Variants in CYP26A1 observed in about 807,000 individuals in gnomAD.
CYP26A1 encodes cytochrome P450 family 26 subfamily A member 1.
In CYP26A1, 46 loss-of-function variants were observed where a neutral mutation model predicts 47.4. The observed-to-expected ratio is 0.97, with a 90% CI of 0.77 to 1.24. The LOEUF is 1.24. CYP26A1 is among the 50% of genes most tolerant of loss of function. The pLI is 0.00. For synonymous variants in CYP26A1, 277 were observed against 263.7 expected (o/e 1.05, Z -0.49); for missense variants, 680 against 644.4 (o/e 1.06, Z -0.60).
At position 93,074,330 on chromosome 10, in the gene CYP26A1, A is replaced by G; in HGVS notation, c.212A>G (p.Lys71Arg). 1 of 1,603,256 alleles carries G rather than the reference A, an allele frequency of 6.2e-7. No homozygotes were observed. Among genetic ancestry groups the G allele is most frequent in the Non-Finnish European group, 8.5e-7 (1 of 1,170,934 alleles). Residue 71 changes from lysine (K) to arginine (R), a missense_variant, in exon 2 of 7, where the codon AAG (lysine) becomes AGG (arginine). Coordinates refer to ENST00000224356, the MANE Select transcript of CYP26A1 (RefSeq NM_000783.4). The surrounding 1 kb of genome is among the most constrained non-coding windows in gnomAD (Gnocchi z 5.3). ...CAGCGGAGGAAGTTCCTGCAGATGA[A>G]GCGCAGGAAATACGGCTTCATCTAC... The part of the protein sequence containing the change: ...VLQRRKFLQM[K>R]RRKYGFIYKT...
At chr10:93,076,899 G>A (rs1010072383) in intron 6 of CYP26A1, 64 bp from the exon 7 acceptor site, 14 of 1,177,132 alleles carry the variant, frequency 1.2e-5, no homozygotes, top group Non-Finnish European at 1.6e-5. Context: ...ATCAGTGACT[G>A]CTTTTTGTTG....
Position 93,074,352 on chromosome 10 carries a change from C to A in CYP26A1, c.234C>A (p.Ile78=). 2 of 1,611,782 alleles carry A rather than the reference C, an allele frequency of 1.2e-6. No homozygotes were observed. Among genetic ancestry groups the A allele is most frequent in the South Asian group, 1.1e-5 (1 of 91,054 alleles). The change falls in exon 2 of 7, where the codon ATC becomes ATA. Residue 78 remains isoleucine (I), a synonymous_variant. Transcript: ENST00000224356. This position sits in a 1 kb window ranked among gnomAD's most constrained non-coding sequence, Gnocchi z 5.3. ...TGAAGCGCAGGAAATACGGCTTCAT[C>A]TACAAGACGCATCTGTTCGGGCGGC... The part of the protein sequence containing the change: ...LQMKRRKYGF[I]YKTHLFGRPT...
intron 4 of CYP26A1, 29 bp from the exon 5 acceptor site, chr10:93,075,797 T>A: frequency 6.3e-7 from 1 of 1,592,960 alleles, no homozygotes. Flanking sequence ...GGCAGACTTG[T>A]GAGAATGTGG....
Position 93,075,980 on chromosome 10 carries a change from G to A in CYP26A1, c.999+20G>A. The A allele has an allele frequency of 6.2e-7, 1 of 1,605,314 alleles. No individual in the cohort carries two copies. Among genetic ancestry groups the A allele is most frequent in the South Asian group, 1.1e-5 (1 of 90,842 alleles). ...AGTAAGGTAGGGAGACTGGGTCTGG[G>A]GGTGTCCTTATTAGCTTAGGAAATT... On this transcript the variant is annotated intron_variant, in intron 5 of 6. Transcript: ENST00000224356.
rs772442377 is a variant in CYP26A1, at chr10:93,074,961, A to G, written c.597A>G (p.Gln199=). Residue 199 remains glutamine, a synonymous_variant, in exon 3 of 7, where the codon CAA becomes CAG. Coordinates refer to ENST00000224356, the MANE Select transcript of CYP26A1 (RefSeq NM_000783.4). The surrounding 1 kb of genome is among the most constrained non-coding windows in gnomAD (Gnocchi z 5.3). ...GCATCCTACTGGGCTGCGAACCCCA[A>G]CTGGCGGGCGACGGGGACTCCGAGC... ...AMRILLGCEP[Q]LAGDGDSEQQ... The G allele has an allele frequency of 3.6e-5, 58 of 1,613,062 alleles. No individual in the cohort carries two copies. The highest frequency in any genetic ancestry group is 1.0e-4 in the Admixed American group (6 of 60,008).
In CYP26A1 at chr10:93,074,162, G is replaced by T. The variant is rs1846935398; in HGVS notation, c.189+39G>T. The T allele has an allele frequency of 1.3e-6, 2 of 1,525,064 alleles. No individual in the cohort carries two copies. Among genetic ancestry groups the T allele is most frequent in the Non-Finnish European group, 1.8e-6 (2 of 1,134,258 alleles). 94.5% of individuals were successfully genotyped at this position (1,525,064 alleles called of 1,614,324 possible). A position where few individuals can be genotyped will look rare whatever the true frequency, so the allele number is the denominator to read the frequency against. On this transcript the variant is annotated intron_variant, in intron 1 of 6. Transcript: ENST00000224356. This position sits in a 1 kb window ranked among gnomAD's most constrained non-coding sequence, Gnocchi z 5.3. ...GGGCGGGACAGGCTGCTTCCCCGGA[G>T]CCCGGCGCGGCTCTGGGCTTCTGCT...
In CYP26A1 at chr10:93,076,646, C is replaced by G; in HGVS notation, c.1102C>G (p.Pro368Ala). Residue 368 changes from proline (P) to alanine (A), a missense_variant, in exon 6 of 7, where the codon CCC becomes GCC. By Grantham distance (27) the Pro-to-Ala change is conservative. Transcript: ENST00000224356. ...TATTAAGGAGACCCTTCGACTGAAT[C>G]CCCCAGTTCCAGGAGGGTTTCGGGT... is the stretch of plus-strand genomic sequence containing the variant. The part of the protein sequence containing the change: ...CVIKETLRLN[P>A]PVPGGFRVAL... 1 of 1,609,566 alleles carries G rather than the reference C, an allele frequency of 6.2e-7. No individual in the cohort carries two copies. The highest frequency in any genetic ancestry group is 8.5e-7 in the Non-Finnish European group (1 of 1,175,986).
At position 93,074,632 on chromosome 10, in the gene CYP26A1, G is replaced by A. The variant is rs1220986651; in HGVS notation, c.414+100G>A. ...GGCGCGGGCTAGCAGCTTGAGGTGG[G>A]CTAGGACCCTCTGCCAGCTCCAGGT... On this transcript the variant is annotated intron_variant, in intron 2 of 6. Transcript: ENST00000224356. This position sits in a 1 kb window ranked among gnomAD's most constrained non-coding sequence, Gnocchi z 5.3. The A allele has an allele frequency of 4.7e-6, 5 of 1,062,286 alleles. No homozygotes were observed. Among genetic ancestry groups the A allele is most frequent in the African/African-American group, 4.6e-5 (3 of 64,658 alleles). The allele number at this position is 1,062,286 out of a possible 1,614,324, so 65.8% of individuals were successfully genotyped here. A position where few individuals can be genotyped will look rare whatever the true frequency, so the allele number is the denominator to read the frequency against.
In CYP26A1 at chr10:93,074,463, G is replaced by A. The variant is rs1306513416; in HGVS notation, c.345G>A (p.Ser115=). ...HRLVSVHWPA[S]VRTILGSGCL... ...TGGTGTCGGTCCACTGGCCAGCGTC[G>A]GTGCGCACCATTCTGGGATCTGGCT... The change falls in exon 2 of 7, where the codon TCG becomes TCA. Residue 115 remains serine (S), a synonymous_variant. Coordinates refer to ENST00000224356, the MANE Select transcript of CYP26A1 (RefSeq NM_000783.4). This position sits in a 1 kb window ranked among gnomAD's most constrained non-coding sequence, Gnocchi z 5.3. 1.2e-6 allele frequency: 2 copies of A among 1,612,124 alleles called. No individual in the cohort carries two copies. Among genetic ancestry groups the A allele is most frequent in the African/African-American group, 1.3e-5 (1 of 74,890 alleles).
chr10:93,075,500 G>C, intron 4 of CYP26A1, 193 bp downstream of exon 4: 2 of 622,986 alleles, frequency 3.2e-6, no homozygotes, highest in Non-Finnish European at 2.8e-6. Flanking sequence ...GGCTGCGGCG[G>C]AACTGGGAGC....
At chr10:93,075,124 A>G in intron 3 of CYP26A1, 25 bp from the exon 4 acceptor site, 1 of 1,611,118 alleles carries the variant, frequency 6.2e-7, no homozygotes, top group Non-Finnish European at 8.5e-7. Context: ...GCGTCTGCTC[A>G]CCGCCGCGCG....
intron 4 of CYP26A1, 145 bp from the exon 5 acceptor site, chr10:93,075,681 A>T: frequency 1.6e-6 from 1 of 644,574 alleles, no homozygotes; most frequent in Non-Finnish European, 2.7e-6. Flanking sequence ...CATTTTGTTT[A>T]AAGATATTGC....
upstream of CYP26A1, chr10:93,073,763 C>T (rs531826710): frequency 5.3e-6 from 3 of 568,748 alleles, no homozygotes; most frequent in South Asian, 2.1e-5. Context: ...GGCAGCGCCT[C>T]GCGGGGGGAG....
chr10:93,076,035 G>C, intron 5 of CYP26A1, 75 bp downstream of exon 5: 1 of 1,178,790 alleles, frequency 8.5e-7, no homozygotes, highest in South Asian at 1.3e-5. Context: ...TTCCGAATAA[G>C]TCAGTGTGCT....
chr10:93,074,070 C>T lies in CYP26A1; in HGVS notation c.136C>T (p.Pro46Ser), dbSNP rs1846933241. 6.3e-7 allele frequency: 1 copy of T among 1,598,346 alleles called. No individual in the cohort carries two copies. The highest frequency in any genetic ancestry group is 1.3e-5 in the African/African-American group (1 of 74,430). The change falls in exon 1 of 7, where the codon CCC (proline) becomes TCC (serine). Residue 46 changes from proline to serine, a missense_variant. Transcript: ENST00000224356. The surrounding 1 kb of genome is among the most constrained non-coding windows in gnomAD (Gnocchi z 5.3). ...CCGCAGTTGTGCCCTCCCATTGCCCCCCGGGACTATGGGCTTCCCCTTCTT... is the reference window on the plus strand; with the variant it reads ...CCGCAGTTGTGCCCTCCCATTGCCCTCCGGGACTATGGGCTTCCCCTTCTT... ...RDRSCALPLP[P>S]GTMGFPFFGE...
chr10:93,074,140 CG>C lies in CYP26A1; in HGVS notation c.189+20del. The C allele has an allele frequency of 2.7e-6, 1 of 373,346 alleles. No individual in the cohort carries two copies. The highest frequency in any genetic ancestry group is 5.2e-6 in the Non-Finnish European group (1 of 193,956). 23.1% of individuals were successfully genotyped at this position (373,346 alleles called of 1,614,324 possible). Reference sequence around the variant, plus strand: ...GTACTGCAGGTAAGGGAGGGTGGGGCGGGACAGGCTGCTTCCCCGGAGCCCG... The same window carrying C: ...GTACTGCAGGTAAGGGAGGGTGGGGCGGACAGGCTGCTTCCCCGGAGCCCG... On this transcript the variant is annotated intron_variant, in intron 1 of 6. Coordinates refer to ENST00000224356, the MANE Select transcript of CYP26A1 (RefSeq NM_000783.4). This position sits in a 1 kb window ranked among gnomAD's most constrained non-coding sequence, Gnocchi z 5.3.
rs1414167105 is a variant in CYP26A1, at chr10:93,074,671, T to G, written c.415-108T>G. On this transcript the variant is annotated intron_variant, in intron 2 of 6. Coordinates refer to ENST00000224356, the MANE Select transcript of CYP26A1 (RefSeq NM_000783.4). The surrounding 1 kb of genome is among the most constrained non-coding windows in gnomAD (Gnocchi z 5.3). ...CCAGCTCCAGGTTAGCTTTCCCAGC[T>G]CGGAGAGTGCCATGTGTCTGGCAGG... is the stretch of plus-strand genomic sequence containing the variant. 2.6e-6 allele frequency: 3 copies of G among 1,140,510 alleles called. No homozygotes were observed. The highest frequency in any genetic ancestry group is 3.8e-6 in the Non-Finnish European group (3 of 781,606). The allele number at this position is 1,140,510 out of a possible 1,614,324, so 70.6% of individuals were successfully genotyped here.
rs1003480401 is a variant in CYP26A1, at chr10:93,077,358, A to G, written c.*54A>G. On this transcript the variant is annotated 3_prime_UTR_variant, in exon 7 of 7. Coordinates refer to ENST00000224356, the MANE Select transcript of CYP26A1 (RefSeq NM_000783.4). The stretch of plus-strand genomic sequence containing the variant: ...ATTGGAAGTGTACATATGAGTTTTT[A>G]AGGAGTGTTGTGTTGACTTTATATT... 27 of 1,014,584 alleles carry G rather than the reference A, an allele frequency of 2.7e-5. No individual in the cohort carries two copies. Among genetic ancestry groups the G allele is most frequent in the Non-Finnish European group, 4.2e-6 (3 of 714,858 alleles). 62.8% of individuals were successfully genotyped at this position (1,014,584 alleles called of 1,614,324 possible).
Position 93,074,633 on chromosome 10 carries a change from C to A in CYP26A1, c.414+101C>A. 9.5e-7 allele frequency: 1 copy of A among 1,054,100 alleles called. No individual in the cohort carries two copies. Among genetic ancestry groups the A allele is most frequent in the Non-Finnish European group, 1.4e-6 (1 of 690,486 alleles). 65.3% of individuals were successfully genotyped at this position (1,054,100 alleles called of 1,614,324 possible). A position where few individuals can be genotyped will look rare whatever the true frequency, so the allele number is the denominator to read the frequency against. On this transcript the variant is annotated intron_variant, in intron 2 of 6. Coordinates refer to ENST00000224356, the MANE Select transcript of CYP26A1 (RefSeq NM_000783.4). This position sits in a 1 kb window ranked among gnomAD's most constrained non-coding sequence, Gnocchi z 5.3. ...GCGCGGGCTAGCAGCTTGAGGTGGG[C>A]TAGGACCCTCTGCCAGCTCCAGGTT...
Sources: gnomAD v4.1 joint callset for allele counts on GRCh38, gnomAD v4.1.1 for gene constraint, Gnocchi (gnomAD v3.1) non-coding constraint, MANE v1.5 for transcripts, NCBI Gene and HGNC (gene_info 2026-07-23, HGNC 2026-07-21) for gene names.